The following ANKAR variants were observed in gnomAD, a reference collection of about 807,000 sequenced individuals.
ANKAR encodes the protein ankyrin and armadillo repeat-containing protein.
Under a neutral mutation model 146.2 loss-of-function variants are expected in ANKAR, and 136 were observed. That is an observed-to-expected ratio of 0.93 (90% CI 0.81 to 1.07). The LOEUF (loss-of-function observed/expected upper bound fraction) is 1.07, where lower values mean the gene tolerates loss of function less well. ANKAR is among the 50% of genes least tolerant of loss of function. The pLI, the probability that ANKAR is intolerant of heterozygous loss-of-function variation, is 0.00. For missense variants in ANKAR, 1,567 were observed against 1,679.9 expected, an observed-to-expected ratio of 0.93 and a Z score of 1.18; for synonymous variants, 500 against 575.8, an observed-to-expected ratio of 0.87 and a Z score of 1.88.
chr2:189,699,493 CT>C (rs754034637), intron 7 of ANKAR, among the ~76,000 whole-genome samples: 3 of 152,128 alleles, frequency 2.0e-5, no homozygotes, highest in African/African-American at 7.2e-5. Context: ...GTGTAAGTAC[CT>C]TATAATAACA....
intron 2 of ANKAR, among the ~76,000 whole-genome samples, chr2:189,683,746 T>C (rs182302497): frequency 5.8e-4 from 89 of 152,352 alleles, no homozygotes; most frequent in African/African-American, 1.6e-3. Flanking sequence ...GCTCCTCTGT[T>C]GGCATGACTG....
At chr2:189,683,685 C>CT (rs1267034970) in intron 2 of ANKAR, among the ~76,000 whole-genome samples, 1 of 152,168 alleles carries the variant, frequency 6.6e-6, no homozygotes, top group Non-Finnish European at 1.5e-5. Flanking sequence ...TGGTGTCAAG[C>CT]TAGCAGCAGT....
chr2:189,736,499 G>GGTTTT (rs768463754), intron 17 of ANKAR, among the ~76,000 whole-genome samples: 1 of 113,724 alleles, frequency 8.8e-6, no homozygotes, highest in South Asian at 3.0e-4. Context: ...AGGTGACTGG[G>GGTTTT]TTTTGTGTGT....
In ANKAR at chr2:189,689,646, GA is replaced by G. The variant is rs2036117940; in HGVS notation, c.725del (p.Asn242IlefsTer4). Reference sequence around the variant, plus strand: ...AACAGCTGTATTTATGAAATATGCTGAAAATATTATGCTAAAGTTAACATTC... The same window carrying G: ...AACAGCTGTATTTATGAAATATGCTGAAATATTATGCTAAAGTTAACATTC... Reference protein sequence around the residue: ...EETAVFMKYAENIMLKLTFST... With the variant: ...EETAVFMKYAXNIMLKLTFST... On this transcript the variant is annotated frameshift_variant, in exon 3 of 23. Transcript: ENST00000684021. LOFTEE classifies it high-confidence loss of function. 1 of 1,613,668 alleles carries G rather than the reference GA, an allele frequency of 6.2e-7. No homozygotes were observed. Among genetic ancestry groups the G allele is most frequent in the African/African-American group, 1.3e-5 (1 of 74,996 alleles).
chr2:189,744,069 C>T (rs1421665685), intron 21 of ANKAR, among the ~76,000 whole-genome samples: 1 of 152,178 alleles, frequency 6.6e-6, no homozygotes, highest in African/African-American at 2.4e-5. Context: ...TACAAGTCTT[C>T]TCTCCAAGTA....
chr2:189,722,335 T>A (rs1339491108), intron 12 of ANKAR, among the ~76,000 whole-genome samples: 1 of 2,594 alleles, frequency 3.9e-4, no homozygotes. Context: ...CGAGACTCCA[T>A]CTCAAAAAAA....
chr2:189,697,473 A>G (rs561792136), intron 7 of ANKAR, among the ~76,000 whole-genome samples: 5 of 152,304 alleles, frequency 3.3e-5, no homozygotes, highest in African/African-American at 1.2e-4. Context: ...ACAGACGCCA[A>G]AACAAAATGT....
chr2:189,718,753 T>G (rs1313183317), intron 10 of ANKAR, among the ~76,000 whole-genome samples: 1 of 150,346 alleles, frequency 6.7e-6, no homozygotes, highest in African/African-American at 2.4e-5. Context: ...TTCTTTTTTT[T>G]TTTTTTTGAG....
Position 189,755,289 on chromosome 2 carries a change from A to C in ANKAR, c.*585-5809A>C, listed in dbSNP as rs933423253. On this transcript the variant is annotated intron_variant and NMD_transcript_variant, in intron 18 of 18. Coordinates refer to the ANKAR transcript ENST00000441800. ...CCTCCAGAAATCAAAAGAACTAAAA[A>C]AGGAAATTCTACTTTATTGGTCAAC... 5 of 1,613,396 alleles carry C rather than the reference A, an allele frequency of 3.1e-6. No homozygotes were observed. In the African/African-American group the frequency reaches 6.7e-5, roughly 22 times the overall value.
At chr2:189,760,628 T>C (rs1225115) in intron 18 of ANKAR, among the ~76,000 whole-genome samples, 130,966 of 151,942 alleles carry the variant, frequency 0.86, 57,333 homozygotes, top group East Asian at 0.94. Context: ...CCGTCTCTAC[T>C]AAAATGCAAA....
At chr2:189,687,747 A>G (rs1351605466) in intron 2 of ANKAR, among the ~76,000 whole-genome samples, 2 of 152,138 alleles carry the variant, frequency 1.3e-5, no homozygotes, top group Admixed American at 6.5e-5. Context: ...CCTGTTTGAC[A>G]TGTGTATGTC....
chr2:189,708,807 G>A (rs1463048959), intron 9 of ANKAR, among the ~76,000 whole-genome samples: 1 of 152,180 alleles, frequency 6.6e-6, no homozygotes, highest in Admixed American at 6.6e-5. Context: ...TCCACTGGGG[G>A]TTTTGGAATG....
intron 9 of ANKAR, among the ~76,000 whole-genome samples, chr2:189,707,422 C>T (rs1480342485): frequency 1.5e-5 from 2 of 132,550 alleles, no homozygotes; most frequent in African/African-American, 5.6e-5. Flanking sequence ...TTCCAACTTT[C>T]TCCAGAAGTT....
intron 18 of ANKAR, among the ~76,000 whole-genome samples, chr2:189,758,324 T>G (rs937385986): frequency 9.9e-5 from 15 of 151,994 alleles, no homozygotes; most frequent in Non-Finnish European, 1.8e-4. Context: ...GAGGTTGTGA[T>G]GAGCCAAGAT....
chr2:189,694,157 G>A (rs941198985), intron 5 of ANKAR, among the ~76,000 whole-genome samples: 1 of 152,094 alleles, frequency 6.6e-6, no homozygotes, highest in African/African-American at 2.4e-5. Context: ...TTGAGCCTGA[G>A]AGGTCGAGGC....
At position 189,741,552 on chromosome 2, in the gene ANKAR, GATATA is replaced by G. The variant is rs368876614; in HGVS notation, c.3810+109_3810+113del. ...TTTTCCACTGATTGACTGTGTTATA[GATATA>G]ATATAATTCTTATTACTAACTCAAA... On this transcript the variant is annotated intron_variant, in intron 20 of 22. Coordinates refer to ENST00000684021, the MANE Select transcript of ANKAR (RefSeq NM_001378068.1). 8.3e-4 allele frequency: 578 copies of G among 692,244 alleles called. 1 individual carries two copies. The highest frequency in any genetic ancestry group is 6.3e-3 in the African/African-American group (342 of 54,506). The allele number at this position is 692,244 out of a possible 1,614,324, so 42.9% of individuals were successfully genotyped here. A position where few individuals can be genotyped will look rare whatever the true frequency, so the allele number is the denominator to read the frequency against.
intron 17 of ANKAR, among the ~76,000 whole-genome samples, chr2:189,736,315 C>T (rs760432963): frequency 3.3e-5 from 5 of 152,150 alleles, no homozygotes; most frequent in Non-Finnish European, 5.9e-5. Context: ...TCTCACTTCG[C>T]TCTATCTGAC....
At chr2:189,745,774 G>C (rs1417995421) in intron 22 of ANKAR, among the ~76,000 whole-genome samples, 1 of 152,192 alleles carries the variant, frequency 6.6e-6, no homozygotes, top group African/African-American at 2.4e-5. Context: ...AGTAAAAGGA[G>C]AGGAAACAAT....
At chr2:189,721,426 G>C (rs2041221874) in intron 12 of ANKAR, among the ~76,000 whole-genome samples, 3 of 152,144 alleles carry the variant, frequency 2.0e-5, no homozygotes, top group Admixed American at 2.0e-4. Flanking sequence ...AATATGCCTA[G>C]GAGAGTATAT....
Sources: gnomAD v4.1 joint callset for allele counts (sites outside exome capture counted in the v4.1 genomes callset) on GRCh38, gnomAD v4.1.1 for gene constraint, MANE v1.5 for transcripts, NCBI Gene and HGNC (gene_info 2026-07-23, HGNC 2026-07-21) for gene names.